Variants in NCOR1 observed in about 807,000 individuals in gnomAD.
NCOR1 encodes the protein protein phosphatase 1, regulatory subunit 109.
A neutral mutation model predicts 288.1 loss-of-function variants in NCOR1; 63 were observed. The ratio of observed to expected loss-of-function variants is 0.22; its 90% confidence interval spans 0.18 to 0.27. NCOR1 has a LOEUF of 0.27. Among genes scored for constraint, NCOR1 ranks in the 10% least tolerant of loss-of-function variants. The probability of loss-of-function intolerance (pLI) is 1.00; values close to 1 mark genes in which losing one functional copy is unlikely to be tolerated. For missense variants in NCOR1, 2,397 were observed against 3,019.2 expected (o/e 0.79, Z 4.83); for synonymous variants, 1,007 against 1,065.9 (o/e 0.94, Z 1.08).
chr17:16,131,542 A>C (rs2075638981), intron 14 of NCOR1, among the ~76,000 whole-genome samples: 1 of 152,236 alleles, frequency 6.6e-6, no homozygotes, highest in African/African-American at 2.4e-5. Context: ...TAAGTTGCCA[A>C]AAAACGAAAT....
At chr17:16,188,061 T>C (rs574758309) in intron 2 of NCOR1, among the ~76,000 whole-genome samples, 1 of 152,240 alleles carries the variant, frequency 6.6e-6, no homozygotes, top group African/African-American at 2.4e-5. Context: ...AATCAGGTAG[T>C]GGTGATAGCT....
chr17:16,112,495 ACTTTT>A, intron 18 of NCOR1, among the ~76,000 whole-genome samples: 1 of 152,144 alleles, frequency 6.6e-6, no homozygotes, highest in African/African-American at 2.4e-5. Context: ...GCCGCAGAGA[ACTTTT>A]CTTTTTTTTC....
chr17:16,089,007 A>G (rs1303272045), intron 22 of NCOR1, among the ~76,000 whole-genome samples: 1 of 152,084 alleles, frequency 6.6e-6, no homozygotes, highest in Non-Finnish European at 1.5e-5. Flanking sequence ...AAAGAAAATC[A>G]CTTTCCTAGA....
chr17:16,040,882 T>A, intron 42 of NCOR1: 1 of 187,726 alleles, frequency 5.3e-6, no homozygotes, highest in Non-Finnish European at 1.1e-5. Context: ...CAAAAATAAA[T>A]AAATAAATAA....
intron 1 of NCOR1, among the ~76,000 whole-genome samples, chr17:16,205,845 G>C (rs1019421444): frequency 6.6e-6 from 1 of 150,472 alleles, no homozygotes; most frequent in African/African-American, 2.4e-5. Flanking sequence ...GCTGAGGCAG[G>C]AGAATCGCTT....
rs2065527621 is a variant in NCOR1, at chr17:16,092,681, ATATATATATATATATTTTTTTTT to A, written c.2821-646_2821-624del. Among the ~76,000 whole-genome samples, 4 of 19,952 alleles carry A rather than the reference ATATATATATATATATTTTTTTTT, an allele frequency of 2.0e-4. 1 individual carries two copies. The South Asian group carries it at 9.1e-3, about 46-fold the overall frequency. 13.1% of individuals were successfully genotyped at this position (19,952 alleles called of 152,430 possible). ...TATATATATATATATATATATATAT[ATATATATATATATATTTTTTTTT>A]TTTTTTTTTTTTAAGACATAGTCTC... On this transcript the variant is annotated intron_variant, in intron 21 of 45. Coordinates refer to ENST00000268712, the MANE Select transcript of NCOR1 (RefSeq NM_006311.4).
chr17:16,203,333 T>TTTCC (rs2091093584), intron 1 of NCOR1, among the ~76,000 whole-genome samples: 6 of 152,196 alleles, frequency 3.9e-5, no homozygotes, highest in Admixed American at 3.9e-4. Context: ...GATTGCTCAC[T>TTTCC]AGGCCCCAGC....
At chr17:16,183,683 C>G (rs1189876584) in intron 3 of NCOR1, among the ~76,000 whole-genome samples, 1 of 152,016 alleles carries the variant, frequency 6.6e-6, no homozygotes, top group Non-Finnish European at 1.5e-5. Flanking sequence ...AGTACAGATT[C>G]AACACAATTC....
rs2092471155 is a variant in NCOR1 at position 16,215,468 on chromosome 17, G to T, written c.-177C>A. 1 of 398,150 alleles carries T rather than the reference G, an allele frequency of 2.5e-6. No homozygotes were observed. The allele number at this position is 398,150 out of a possible 1,614,324, so 24.7% of individuals were successfully genotyped here. A position where few individuals can be genotyped will look rare whatever the true frequency, so the allele number is the denominator to read the frequency against. Reference sequence around the variant, plus strand: ...GGACCTCGTTCGGCGCGGCGAGTCGGACGCTCACTCCAGCCGCCGCCGCCG... The same window carrying T: ...GGACCTCGTTCGGCGCGGCGAGTCGTACGCTCACTCCAGCCGCCGCCGCCG... On this transcript the variant is annotated 5_prime_UTR_variant, in exon 1 of 46. Coordinates refer to ENST00000268712, the MANE Select transcript of NCOR1 (RefSeq NM_006311.4).
chr17:16,100,104 T>C (rs891162996), intron 20 of NCOR1, among the ~76,000 whole-genome samples: 3 of 152,286 alleles, frequency 2.0e-5, no homozygotes, highest in Admixed American at 1.3e-4. Context: ...TGGGGTTTAA[T>C]TGGGTTCGGA....
At chr17:16,095,277 A>G (rs1333602062) in intron 21 of NCOR1, among the ~76,000 whole-genome samples, 2 of 142,050 alleles carry the variant, frequency 1.4e-5, no homozygotes, top group African/African-American at 2.7e-5. Context: ...GGAGGTGAGG[A>G]GCGTCTCTGC....
chr17:16,166,648 C>A (rs1314809411), intron 4 of NCOR1, among the ~76,000 whole-genome samples: 1 of 151,786 alleles, frequency 6.6e-6, no homozygotes, highest in Non-Finnish European at 1.5e-5. Context: ...CTACTGCATT[C>A]CAGCATGGGT....
chr17:16,129,829 T>C (rs966606419), intron 14 of NCOR1, among the ~76,000 whole-genome samples: 63 of 151,958 alleles, frequency 4.1e-4, no homozygotes, highest in African/African-American at 1.4e-3. Context: ...CCCCTTAGAG[T>C]TGGGTAACAC....
At chr17:16,149,313 A>G (rs2078505708) in intron 9 of NCOR1, 138 bp downstream of exon 9, 1 of 226,068 alleles carries the variant, frequency 4.4e-6, no homozygotes, top group East Asian at 7.8e-5. Flanking sequence ...ATATATATAT[A>G]TATGGTTACT....
intron 21 of NCOR1, 115 bp from the exon 22 acceptor site, chr17:16,092,173 T>C (rs955345202): frequency 5.7e-5 from 72 of 1,254,746 alleles, no homozygotes; most frequent in Non-Finnish European, 7.0e-5. Flanking sequence ...GATTTTATCA[T>C]TTTTTAATCA....
At position 16,092,660 on chromosome 17, in the gene NCOR1, TA is replaced by T. The variant is rs1567956297; in HGVS notation, c.2821-603del. On this transcript the variant is annotated intron_variant, in intron 21 of 45. Transcript: ENST00000268712. ...GATCAGATCCATTTATATATATATA[TA>T]TATATATATATATATATATATATAT... Among the ~76,000 whole-genome samples the T allele has an allele frequency of 5.3e-4, 5 of 9,474 alleles. No individual in the cohort carries two copies. In the East Asian group the frequency reaches 0.015, roughly 28 times the overall value. 6.2% of individuals were successfully genotyped at this position (9,474 alleles called of 152,430 possible).
chr17:16,039,568 T>G lies in NCOR1; in HGVS notation c.6820A>C (p.Ser2274Arg). Residue 2274 changes from serine to arginine, a missense_variant, in exon 44 of 46, where the codon AGC becomes CGC. This residue lies in a region of NCOR1 where 1,872 missense variants were observed against 2,187.8 expected (regional missense o/e 0.86). Coordinates refer to ENST00000268712, the MANE Select transcript of NCOR1 (RefSeq NM_006311.4). The part of the protein sequence containing the change: ...EDIIRKALMG[S>R]FDDKVEDHGV... ...TGATCCTCAACTTTGTCATCAAAGC[T>G]TCCCATGAGAGCCTTCCTGATAATG... 6.2e-7 allele frequency: 1 copy of G among 1,614,192 alleles called. No homozygotes were observed. Among genetic ancestry groups the G allele is most frequent in the Non-Finnish European group, 8.5e-7 (1 of 1,180,026 alleles).
At chr17:16,147,306 G>A (rs888982786) in intron 9 of NCOR1, among the ~76,000 whole-genome samples, 3 of 151,590 alleles carry the variant, frequency 2.0e-5, no homozygotes, top group Non-Finnish European at 4.4e-5. Flanking sequence ...CTACTTGGGA[G>A]GCTGAGGCGG....
intron 40 of NCOR1, among the ~76,000 whole-genome samples, chr17:16,050,997 C>T (rs959555353): frequency 9.9e-5 from 15 of 151,868 alleles, no homozygotes; most frequent in Non-Finnish European, 1.3e-4. Flanking sequence ...CATGCCTGGG[C>T]GATTTTATTT....
Sources: gnomAD v4.1 joint callset for allele counts (sites outside exome capture counted in the v4.1 genomes callset) on GRCh38, gnomAD v4.1.1 for gene constraint, gnomAD v4.1.1 regional missense constraint, MANE v1.5 for transcripts, NCBI Gene and HGNC (gene_info 2026-07-23, HGNC 2026-07-21) for gene names.